VPS53: variants seen among roughly 807,000 people sequenced by gnomAD.
VPS53 encodes the protein vacuolar protein sorting-associated protein 53 homolog.
A neutral mutation model predicts 107.0 loss-of-function variants in VPS53; 70 were observed. The ratio of observed to expected loss-of-function variants is 0.65; its 90% CI spans 0.54 to 0.80. The LOEUF is 0.80. Among genes scored for constraint, VPS53 ranks in the 30% least tolerant of loss-of-function variants. The probability of loss-of-function intolerance (pLI) is 0.00; values close to 1 mark genes in which losing one functional copy is unlikely to be tolerated. For missense variants in VPS53, 917 were observed against 1,049.4 expected (o/e 0.87, Z 1.74); for synonymous variants, 409 against 393.3 (o/e 1.04, Z -0.47).
At chr17:601,585 G>A (rs1968326691) in intron 12 of VPS53, among the ~76,000 whole-genome samples, 1 of 152,212 alleles carries the variant, frequency 6.6e-6, no homozygotes, top group African/African-American at 2.4e-5. Flanking sequence ...TGGAGGCGGG[G>A]CTCTTCAGGA....
intron 7 of VPS53, among the ~76,000 whole-genome samples, chr17:635,385 A>C (rs1970154025): frequency 6.6e-6 from 1 of 152,164 alleles, no homozygotes; most frequent in South Asian, 2.1e-4. Flanking sequence ...TGCTGTGCAG[A>C]AGCTCTTTAG....
intron 15 of VPS53, among the ~76,000 whole-genome samples, chr17:554,987 A>C (rs1256010629): frequency 6.6e-6 from 1 of 152,204 alleles, no homozygotes; most frequent in East Asian, 1.9e-4. Flanking sequence ...AGAATAAGAG[A>C]GTTATTTAGT....
At chr17:656,817 C>T (rs1450433224) in intron 5 of VPS53, 11 of 1,573,386 alleles carry the variant, frequency 7.0e-6, no homozygotes, top group Non-Finnish European at 9.6e-6. Flanking sequence ...TGTTTGGCCG[C>T]CAGTCTCTTG....
At chr17:593,828 T>C (rs1967809944) in intron 12 of VPS53, among the ~76,000 whole-genome samples, 1 of 152,220 alleles carries the variant, frequency 6.6e-6, no homozygotes, top group African/African-American at 2.4e-5. Flanking sequence ...CAAAGGACTA[T>C]AAATCATGCT....
chr17:616,823 C>T (rs1332460300), intron 11 of VPS53, among the ~76,000 whole-genome samples: 4 of 152,196 alleles, frequency 2.6e-5, no homozygotes, highest in African/African-American at 9.7e-5. Context: ...AAGGGCCTTC[C>T]CTGCCCTCGT....
intron 17 of VPS53, among the ~76,000 whole-genome samples, chr17:542,935 G>A (rs1267039402): frequency 2.0e-5 from 3 of 146,888 alleles, no homozygotes; most frequent in East Asian, 2.0e-4. Flanking sequence ...CACAAATCAC[G>A]CCACTGCACT....
chr17:623,011 G>A (rs1304541943), intron 11 of VPS53, among the ~76,000 whole-genome samples: 1 of 152,106 alleles, frequency 6.6e-6, no homozygotes, highest in Admixed American at 6.5e-5. Context: ...TTTCCGGAGT[G>A]AAAATTTGGA....
chr17:657,602 G>C lies in VPS53; in HGVS notation c.373-1649C>G, dbSNP rs868234412. 8 of 731,182 alleles carry C rather than the reference G, an allele frequency of 1.1e-5. No individual in the cohort carries two copies. The Middle Eastern group carries it at 2.1e-3, about 195-fold the overall frequency. The allele number at this position is 731,182 out of a possible 1,614,324, so 45.3% of individuals were successfully genotyped here. ...TTGTCTTCCGGTGCACATAGCGAAA[G>C]TTTCTTAATAGCAATTTGGTTGCCC... On this transcript the variant is annotated intron_variant, in intron 5 of 21. Coordinates refer to ENST00000437048, the MANE Select transcript of VPS53 (RefSeq NM_001128159.3).
At chr17:521,358 A>G (rs1312343466) in intron 20 of VPS53, among the ~76,000 whole-genome samples, 1 of 152,160 alleles carries the variant, frequency 6.6e-6, no homozygotes, top group Admixed American at 6.5e-5. Context: ...GCTTGACCAC[A>G]TTTGATCACA....
At position 519,846 on chromosome 17, in the gene VPS53, G is replaced by A. The variant is rs1233838036; in HGVS notation, c.2308C>T (p.Gln770Ter). Residue 770 changes from glutamine (Q) to a stop codon, truncating the protein, a stop_gained, in exon 21 of 22, where the codon CAG becomes TAG. Transcript: ENST00000437048. LOFTEE classifies it high-confidence loss of function. The surrounding 1 kb of genome is among the most constrained non-coding windows in gnomAD (Gnocchi z 5.0). ...CAAACCTTCATGTCCAGTATCTTCT[G>A]AAAGGTTTCTGTGTTGCAGTCTGTG... ...LLTDCNTETF[Q>*]KILDMKGLKR... 6.4e-7 allele frequency: 1 copy of A among 1,551,520 alleles called. No homozygotes were observed. Among genetic ancestry groups the A allele is most frequent in the Non-Finnish European group, 8.7e-7 (1 of 1,146,796 alleles).
intron 4 of VPS53, among the ~76,000 whole-genome samples, chr17:683,997 G>C (rs1228023716): frequency 2.0e-5 from 3 of 152,220 alleles, no homozygotes; most frequent in Non-Finnish European, 4.4e-5. Context: ...AGGATGTGAG[G>C]AAGAGGTCAG....
At chr17:646,137 C>T (rs113946036) in intron 7 of VPS53, among the ~76,000 whole-genome samples, 31 of 105,806 alleles carry the variant, frequency 2.9e-4, no homozygotes, top group East Asian at 1.1e-3. Flanking sequence ...GACCGCGTGG[C>T]CTCTGCCTGA....
intron 7 of VPS53, among the ~76,000 whole-genome samples, chr17:637,678 C>T (rs1157668654): frequency 6.6e-6 from 1 of 152,114 alleles, no homozygotes; most frequent in Non-Finnish European, 1.5e-5. Flanking sequence ...ATTATGTATC[C>T]AGTAGTCATT....
intron 10 of VPS53, among the ~76,000 whole-genome samples, chr17:624,107 C>T (rs1014960655): frequency 6.6e-6 from 1 of 151,952 alleles, no homozygotes; most frequent in African/African-American, 2.4e-5. Flanking sequence ...ATCCGCCCAC[C>T]TCGGCCTCCC....
At chr17:618,430 A>G (rs1969267998) in intron 11 of VPS53, among the ~76,000 whole-genome samples, 1 of 136,914 alleles carries the variant, frequency 7.3e-6, no homozygotes, top group African/African-American at 2.7e-5. Context: ...TTTCCCGGGT[A>G]GCTGGGACGA....
intron 13 of VPS53, among the ~76,000 whole-genome samples, chr17:580,430 G>A (rs988509769): frequency 1.3e-5 from 2 of 149,384 alleles, no homozygotes; most frequent in Non-Finnish European, 3.0e-5. Flanking sequence ...AGGACCTAAG[G>A]TGTTCCCAGA....
intron 15 of VPS53, among the ~76,000 whole-genome samples, chr17:553,717 T>C (rs967953169): frequency 6.6e-6 from 1 of 151,764 alleles, no homozygotes; most frequent in African/African-American, 2.4e-5. Flanking sequence ...ACTACAGGCG[T>C]GCGCTACCAC....
At chr17:586,506 C>G in intron 12 of VPS53, 142 bp from the exon 13 acceptor site, 6 of 797,806 alleles carry the variant, frequency 7.5e-6, no homozygotes, top group Non-Finnish European at 1.2e-5. Flanking sequence ...GATGGTTTCA[C>G]CATTCACCCT....
intron 8 of VPS53, 97 bp from the exon 9 acceptor site, chr17:628,328 G>GA: frequency 7.1e-7 from 1 of 1,410,096 alleles, no homozygotes; most frequent in Admixed American, 2.2e-5. Flanking sequence ...CGCATTGTCA[G>GA]TCTTACTCCT....
Sources: gnomAD v4.1 joint callset for allele counts (sites outside exome capture counted in the v4.1 genomes callset) on GRCh38, gnomAD v4.1.1 for gene constraint, Gnocchi (gnomAD v3.1) non-coding constraint, MANE v1.5 for transcripts, NCBI Gene and HGNC (gene_info 2026-07-23, HGNC 2026-07-21) for gene names.